DPP10: variants seen among roughly 807,000 people sequenced by gnomAD.
DPP10 encodes dipeptidyl peptidase like 10.
In DPP10, 33 loss-of-function variants were observed where a neutral mutation model predicts 120.9. The observed-to-expected ratio is 0.27, with a 90% CI of 0.21 to 0.37. The LOEUF is 0.37. Ranked by LOEUF, DPP10 falls within the 10% of genes least tolerant of loss-of-function variation. The pLI is 1.00. For synonymous variants in DPP10, 337 were observed against 326.1 expected, an observed-to-expected ratio of 1.03 and a Z score of -0.36; for missense variants, 816 against 942.8, an observed-to-expected ratio of 0.87 and a Z score of 1.76.
chr2:114,702,998 G>A (rs943188667), intron 1 of DPP10, among the ~76,000 whole-genome samples: 1 of 152,096 alleles, frequency 6.6e-6, no homozygotes. Flanking sequence ...ATTAGGGTGA[G>A]CAGGGTGGGA....
Position 114,735,177 on chromosome 2 carries a change from C to T in DPP10, c.60+292339C>T, listed in dbSNP as rs1029221404. 3.9e-5 allele frequency among the ~76,000 whole-genome samples: 6 copies of T among 152,090 alleles called. No individual in the cohort carries two copies. In the South Asian group the frequency reaches 8.3e-4, roughly 21 times the overall value. On this transcript the variant is annotated intron_variant, in intron 1 of 25. Transcript: ENST00000410059. ...TCAACATACGAATTTTAGGGAGACA[C>T]AATTCAAAGCACATAATTGTATTTA...
chr2:115,263,252 G>T (rs1005436030), intron 1 of DPP10, among the ~76,000 whole-genome samples: 1 of 152,132 alleles, frequency 6.6e-6, no homozygotes, highest in African/African-American at 2.4e-5. Flanking sequence ...TGGGAGATTT[G>T]ATATTAATAT....
intron 5 of DPP10, among the ~76,000 whole-genome samples, chr2:115,560,702 C>T (rs1434280947): frequency 6.6e-6 from 1 of 151,480 alleles, no homozygotes; most frequent in Non-Finnish European, 1.5e-5. Flanking sequence ...ACAGCCACAA[C>T]CTCCAGGGCT....
chr2:114,716,057 T>A (rs10164416), intron 1 of DPP10, among the ~76,000 whole-genome samples: 7,769 of 146,822 alleles, frequency 0.053, 247 homozygotes, highest in African/African-American at 0.085. Context: ...GTCTTTTTTT[T>A]AAAAAAAAAA....
intron 1 of DPP10, among the ~76,000 whole-genome samples, chr2:115,066,138 G>T (rs11892585): frequency 0.16 from 24,833 of 152,060 alleles, 2,297 homozygotes; most frequent in African/African-American, 0.27. Flanking sequence ...GGCAGAAGCT[G>T]TTTATCTTAG....
At chr2:115,482,522 C>T (rs964672356) in intron 3 of DPP10, among the ~76,000 whole-genome samples, 16 of 151,962 alleles carry the variant, frequency 1.1e-4, no homozygotes, top group African/African-American at 3.6e-4. Context: ...ATCTAGTACA[C>T]AGTCATTTCT....
Position 115,818,370 on chromosome 2 carries a change from T to G in DPP10, c.1950+2641T>G, listed in dbSNP as rs74609874. ...TAGGGAATATTTTACTCCTTAAAAG[T>G]CCTGATACATGTAATAATTTACAAA... On this transcript the variant is annotated intron_variant, in intron 21 of 25. Coordinates refer to ENST00000410059, the MANE Select transcript of DPP10 (RefSeq NM_020868.6). Among the ~76,000 whole-genome samples, 389 of 152,326 alleles carry G rather than the reference T, an allele frequency of 2.6e-3. 2 individuals carry two copies. Among genetic ancestry groups the G allele is most frequent in the African/African-American group, 9.1e-3 (378 of 41,572 alleles).
chr2:115,257,945 A>C (rs2059079484), intron 1 of DPP10, among the ~76,000 whole-genome samples: 2 of 152,218 alleles, frequency 1.3e-5, no homozygotes, highest in South Asian at 4.1e-4. Context: ...AACTGTGGAA[A>C]AGAGATAGGA....
chr2:115,074,171 C>G (rs1357481225), intron 1 of DPP10, among the ~76,000 whole-genome samples: 1 of 151,994 alleles, frequency 6.6e-6, no homozygotes, highest in African/African-American at 2.4e-5. Context: ...AATACCATAC[C>G]CAGATAACTT....
At chr2:114,762,242 C>T (rs1229591832) in intron 1 of DPP10, among the ~76,000 whole-genome samples, 1 of 152,190 alleles carries the variant, frequency 6.6e-6, no homozygotes, top group East Asian at 1.9e-4. Context: ...AGCATTAGAT[C>T]AAGAATCCAC....
intron 1 of DPP10, among the ~76,000 whole-genome samples, chr2:114,464,633 G>A (rs935840216): frequency 3.3e-5 from 5 of 151,876 alleles, no homozygotes. Context: ...TTTGTCCATG[G>A]TTATATCCTC....
At chr2:114,988,303 C>T (rs1700547265) in intron 1 of DPP10, among the ~76,000 whole-genome samples, 2 of 152,136 alleles carry the variant, frequency 1.3e-5, no homozygotes, top group Admixed American at 6.5e-5. Flanking sequence ...TATTCAGTAC[C>T]GAAGGTCCAC....
intron 3 of DPP10, among the ~76,000 whole-genome samples, chr2:115,433,257 G>A (rs2071171646): frequency 2.0e-5 from 3 of 152,146 alleles, no homozygotes; most frequent in Non-Finnish European, 2.9e-5. Flanking sequence ...CTTTAGCAAT[G>A]TATAGATACA....
intron 2 of DPP10, among the ~76,000 whole-genome samples, chr2:115,330,459 G>T (rs1467684940): frequency 2.2e-4 from 34 of 151,374 alleles, no homozygotes; most frequent in South Asian, 8.3e-4. Flanking sequence ...TTTGTCAATT[G>T]TGGCTTTTGT....
chr2:115,088,143 C>T (rs556378579), intron 1 of DPP10, among the ~76,000 whole-genome samples: 1 of 152,242 alleles, frequency 6.6e-6, no homozygotes, highest in East Asian at 1.9e-4. Flanking sequence ...TATAAGGGCA[C>T]TAATCCCATT....
intron 8 of DPP10, among the ~76,000 whole-genome samples, chr2:115,738,098 A>C (rs965386195): frequency 1.3e-5 from 2 of 152,198 alleles, no homozygotes; most frequent in Non-Finnish European, 2.9e-5. Context: ...GCTTTTGTCC[A>C]AACATTCTTA....
intron 1 of DPP10, among the ~76,000 whole-genome samples, chr2:114,709,610 A>G (rs1207350494): frequency 6.6e-6 from 1 of 152,074 alleles, no homozygotes; most frequent in Non-Finnish European, 1.5e-5. Flanking sequence ...TATGTTCTAT[A>G]CCTTTTCCCC....
chr2:115,469,902 A>G (rs35869562), intron 3 of DPP10, among the ~76,000 whole-genome samples: 13 of 82,972 alleles, frequency 1.6e-4, no homozygotes, highest in South Asian at 8.6e-4. Context: ...AAAAAAAAGA[A>G]AAAAAAAAAC....
At chr2:114,611,813 A>T (rs1573788939) in intron 1 of DPP10, among the ~76,000 whole-genome samples, 1 of 152,316 alleles carries the variant, frequency 6.6e-6, no homozygotes, top group Non-Finnish European at 1.5e-5. Context: ...TTGTATGAAG[A>T]GTGAATGGGC....
Sources: gnomAD v4.1 joint callset for allele counts (sites outside exome capture counted in the v4.1 genomes callset) on GRCh38, gnomAD v4.1.1 for gene constraint, MANE v1.5 for transcripts, NCBI Gene and HGNC (gene_info 2026-07-23, HGNC 2026-07-21) for gene names.